Variants in MYH10 observed in about 807,000 individuals in gnomAD.
The protein encoded by MYH10 is myosin-10.
MYH10 carries 55 observed loss-of-function variants against 257.8 expected under a neutral mutation model. The observed-to-expected ratio is 0.21, with a 90% confidence interval of 0.17 to 0.27. MYH10 has a LOEUF of 0.27. Among genes scored for constraint, MYH10 ranks in the 10% least tolerant of loss-of-function variants. The probability of loss-of-function intolerance (pLI) is 1.00; values close to 1 mark genes in which losing one functional copy is unlikely to be tolerated. For missense variants in MYH10, 1,631 were observed against 2,500.6 expected, an observed-to-expected ratio of 0.65 and a Z score of 7.42; for synonymous variants, 854 against 921.7, an observed-to-expected ratio of 0.93 and a Z score of 1.33.
chr17:8,574,881 T>C (rs538669575), intron 6 of MYH10, among the ~76,000 whole-genome samples: 14 of 152,356 alleles, frequency 9.2e-5, no homozygotes, highest in African/African-American at 3.1e-4. Context: ...ACTTCTTGAA[T>C]GGTACCCTTC....
intron 6 of MYH10, among the ~76,000 whole-genome samples, chr17:8,575,954 C>G (rs931732395): frequency 5.3e-5 from 8 of 152,152 alleles, no homozygotes; most frequent in Non-Finnish European, 1.0e-4. Context: ...CCACTACTTG[C>G]CCAGCATTAA....
At chr17:8,585,284 G>GTATATATATATATATATATA (rs1380120586) in intron 4 of MYH10, among the ~76,000 whole-genome samples, 20 of 6,376 alleles carry the variant, frequency 3.1e-3, no homozygotes, top group East Asian at 0.026. Context: ...GCATGTGTGT[G>GTATATATATATATATATATA]TGTGTATATA....
chr17:8,497,245 G>C (rs1916774832), intron 30 of MYH10, among the ~76,000 whole-genome samples: 1 of 152,152 alleles, frequency 6.6e-6, no homozygotes, highest in African/African-American at 2.4e-5. Flanking sequence ...TTGGGCCTCG[G>C]ACACAAGACA....
chr17:8,484,092 A>G lies in MYH10; in HGVS notation c.5175+46T>C, dbSNP rs768754960. Reference sequence around the variant, plus strand: ...TTTTTTTTGATCTTGGAGAAATTTCAAGGGCAAATATATTTGTTGAACAAA... The same window carrying G: ...TTTTTTTTGATCTTGGAGAAATTTCGAGGGCAAATATATTTGTTGAACAAA... On this transcript the variant is annotated intron_variant, in intron 37 of 42. Transcript: ENST00000360416. 4.7e-6 allele frequency: 7 copies of G among 1,475,358 alleles called. No homozygotes were observed. The Admixed American group carries it at 9.9e-5, about 21-fold the overall frequency. The allele number at this position is 1,475,358 out of a possible 1,614,324, so 91.4% of individuals were successfully genotyped here. A position where few individuals can be genotyped will look rare whatever the true frequency, so the allele number is the denominator to read the frequency against.
At chr17:8,577,206 G>T in intron 5 of MYH10, 30 bp downstream of exon 5, 1 of 1,515,224 alleles carries the variant, frequency 6.6e-7, no homozygotes, top group Non-Finnish European at 9.1e-7. Flanking sequence ...AGAAGAAGAA[G>T]ATTTAAAAAA....
chr17:8,571,862 T>C (rs1043509598), intron 6 of MYH10, among the ~76,000 whole-genome samples: 1 of 152,082 alleles, frequency 6.6e-6, no homozygotes, highest in African/African-American at 2.4e-5. Context: ...AGCATTCCTA[T>C]GACCAATATC....
chr17:8,551,713 AT>A (rs2082648901), intron 9 of MYH10, among the ~76,000 whole-genome samples: 1 of 152,170 alleles, frequency 6.6e-6, no homozygotes, highest in Non-Finnish European at 1.5e-5. Flanking sequence ...ATTCTACTTA[AT>A]TTCATTAGGT....
intron 4 of MYH10, among the ~76,000 whole-genome samples, chr17:8,588,664 A>G (rs1252856550): frequency 6.6e-6 from 1 of 152,212 alleles, no homozygotes; most frequent in Non-Finnish European, 1.5e-5. Context: ...CACTGCTGCC[A>G]AAGTAATCTT....
chr17:8,487,738 T>G (rs975826756), intron 35 of MYH10, 144 bp from the exon 36 acceptor site: 1 of 948,650 alleles, frequency 1.1e-6, no homozygotes, highest in African/African-American at 1.6e-5. Flanking sequence ...ACCAAACAGT[T>G]ACTATCAACA....
rs761970134 is a variant in MYH10, at chr17:8,480,486, C to T, written c.5304G>A (p.Arg1768=). ...CCAGCTCCTCCTCCAGCTGTGCGAT[C>T]CGAGCTTCCAGACGCCGCTTCTCAT... The part of the protein sequence containing the change: ...LLDEKRRLEA[R]IAQLEEELEE... Residue 1768 remains arginine, a synonymous_variant, in exon 39 of 43, where the codon CGG becomes CGA. Coordinates refer to ENST00000360416, the MANE Select transcript of MYH10 (RefSeq NM_001256012.3). 5 of 1,611,492 alleles carry T rather than the reference C, an allele frequency of 3.1e-6. No individual in the cohort carries two copies. The highest frequency in any genetic ancestry group is 4.2e-6 in the Non-Finnish European group (5 of 1,179,930).
chr17:8,487,610 G>A lies in MYH10; in HGVS notation c.4885-16C>T, dbSNP rs1309444736. ...GCTCCCGCACCTAATGGACAACATC[G>A]GGTTATGCTGGGTTACATCCAAGTA... On this transcript the variant is annotated splice_polypyrimidine_tract_variant and intron_variant, in intron 35 of 42. Coordinates refer to ENST00000360416, the MANE Select transcript of MYH10 (RefSeq NM_001256012.3). The A allele has an allele frequency of 4.3e-6, 7 of 1,613,748 alleles. No individual in the cohort carries two copies. The highest frequency in any genetic ancestry group is 2.2e-5 in the East Asian group (1 of 44,878).
At chr17:8,478,308 C>A in intron 41 of MYH10, 30 bp downstream of exon 41, 1 of 1,583,360 alleles carries the variant, frequency 6.3e-7, no homozygotes, top group Non-Finnish European at 8.7e-7. Flanking sequence ...TTTGCTCACG[C>A]GCTTCCCAGG....
chr17:8,626,461 G>T (rs1244298644), intron 1 of MYH10, among the ~76,000 whole-genome samples: 1 of 151,852 alleles, frequency 6.6e-6, no homozygotes, highest in Non-Finnish European at 1.5e-5. Flanking sequence ...CAGTTCTTCA[G>T]GAGGATGAGG....
chr17:8,512,675 T>G lies in MYH10; in HGVS notation c.2746-18A>C. The G allele has an allele frequency of 2.5e-6, 4 of 1,604,884 alleles. No individual in the cohort carries two copies. The highest frequency in any genetic ancestry group is 3.4e-6 in the Non-Finnish European group (4 of 1,176,856). Reference sequence around the variant, plus strand: ...TCTAAAAGCTGCAATCACAATAAAGTGTCTGTGATTTGCCCCTATTACATA... The same window carrying G: ...TCTAAAAGCTGCAATCACAATAAAGGGTCTGTGATTTGCCCCTATTACATA... On this transcript the variant is annotated intron_variant, in intron 23 of 42. Coordinates refer to ENST00000360416, the MANE Select transcript of MYH10 (RefSeq NM_001256012.3).
intron 2 of MYH10, among the ~76,000 whole-genome samples, chr17:8,611,968 G>C (rs551027080): frequency 4.4e-4 from 67 of 152,336 alleles, no homozygotes; most frequent in African/African-American, 1.6e-3. Flanking sequence ...TCTGCAGTTT[G>C]TTGTCCACAA....
chr17:8,512,360 A>T (rs1183828864), intron 24 of MYH10, 91 bp downstream of exon 24: 7 of 1,046,104 alleles, frequency 6.7e-6, no homozygotes, highest in Non-Finnish European at 9.7e-6. Flanking sequence ...TTCTCTGTGG[A>T]CTTAAGAATC....
chr17:8,598,485 T>C (rs1272215030), intron 3 of MYH10, among the ~76,000 whole-genome samples: 3 of 152,212 alleles, frequency 2.0e-5, no homozygotes, highest in African/African-American at 4.8e-5. Context: ...GTTCATTTCA[T>C]TGTACTTTTA....
Position 8,545,434 on chromosome 17 carries a change from A to C in MYH10, c.1431+14T>G, listed in dbSNP as rs1434386154. On this transcript the variant is annotated intron_variant, in intron 13 of 42. Coordinates refer to ENST00000360416, the MANE Select transcript of MYH10 (RefSeq NM_001256012.3). This position sits in a 1 kb window ranked among gnomAD's most constrained non-coding sequence, Gnocchi z 4.7. The stretch of plus-strand genomic sequence containing the variant: ...AAAAAGAAGGACGAGCTAGAGGAAG[A>C]GGGGGAAGAATACCTCAAAAATTTC... 6.8e-6 allele frequency: 11 copies of C among 1,612,026 alleles called. No homozygotes were observed. The highest frequency in any genetic ancestry group is 1.3e-5 in the African/African-American group (1 of 74,754).
intron 7 of MYH10, among the ~76,000 whole-genome samples, chr17:8,555,528 G>A (rs1250027686): frequency 1.3e-5 from 2 of 152,152 alleles, no homozygotes; most frequent in African/African-American, 4.8e-5. Flanking sequence ...TAATTTAATA[G>A]GGAAAGGAAG....
Sources: allele counts gnomAD v4.1 joint callset (sites outside exome capture counted in the v4.1 genomes callset), GRCh38; gene constraint gnomAD v4.1.1; non-coding constraint Gnocchi (gnomAD v3.1); transcripts MANE v1.5; gene names NCBI Gene and HGNC (gene_info 2026-07-23, HGNC 2026-07-21).